Variants in AGBL4 observed in about 807,000 individuals in gnomAD.
The protein encoded by AGBL4 is cytosolic carboxypeptidase 6.
A neutral mutation model predicts 66.4 loss-of-function variants in AGBL4; 58 were observed. The ratio of observed to expected loss-of-function variants is 0.87; its 90% CI spans 0.71 to 1.09. AGBL4 has a LOEUF of 1.09. Among genes scored for constraint, AGBL4 ranks in the 50% least tolerant of loss-of-function variants. AGBL4 has a pLI of 0.00. For synonymous variants in AGBL4, 234 were observed against 222.9 expected (o/e 1.05, Z -0.44); for missense variants, 579 against 631.0 (o/e 0.92, Z 0.88).
At chr1:49,709,129 G>C (rs1647434004) in intron 2 of AGBL4, among the ~76,000 whole-genome samples, 1 of 152,206 alleles carries the variant, frequency 6.6e-6, no homozygotes, top group South Asian at 2.1e-4. Flanking sequence ...CAGGCAGGAA[G>C]GTTTATATCT....
intron 1 of AGBL4, among the ~76,000 whole-genome samples, chr1:49,859,446 T>C (rs2148079405): frequency 6.6e-6 from 1 of 152,284 alleles, no homozygotes; most frequent in South Asian, 2.1e-4. Context: ...TCAATTAATG[T>C]AATTCACCAT....
chr1:49,308,377 T>A (rs1382353582), intron 3 of AGBL4, among the ~76,000 whole-genome samples: 1 of 152,144 alleles, frequency 6.6e-6, no homozygotes, highest in Non-Finnish European at 1.5e-5. Context: ...TAGTCTTTAA[T>A]GTCTATGTAA....
chr1:48,778,412 T>A (rs1293282089), intron 6 of AGBL4, among the ~76,000 whole-genome samples: 1 of 152,156 alleles, frequency 6.6e-6, no homozygotes, highest in African/African-American at 2.4e-5. Context: ...CCTCACAACC[T>A]TTACAATCTA....
intron 3 of AGBL4, among the ~76,000 whole-genome samples, chr1:49,546,380 A>T (rs190416009): frequency 4.4e-3 from 663 of 151,570 alleles, no homozygotes; most frequent in Middle Eastern, 7.0e-3. Flanking sequence ...ATATATATAC[A>T]TATATACCAC....
chr1:48,865,202 G>A (rs542194083), intron 6 of AGBL4, among the ~76,000 whole-genome samples: 12 of 152,228 alleles, frequency 7.9e-5, no homozygotes, highest in Non-Finnish European at 1.3e-4. Flanking sequence ...GGGTGAATTT[G>A]ATAGCACAAG....
At chr1:49,824,235 G>GT (rs1294860693) in intron 2 of AGBL4, among the ~76,000 whole-genome samples, 1 of 151,918 alleles carries the variant, frequency 6.6e-6, no homozygotes, top group Non-Finnish European at 1.5e-5. Context: ...AGAAAAACAG[G>GT]TAAGATGCAT....
chr1:49,426,910 A>G (rs1040380707), intron 3 of AGBL4, among the ~76,000 whole-genome samples: 6 of 152,162 alleles, frequency 3.9e-5, no homozygotes, highest in African/African-American at 1.4e-4. Context: ...AATGGCCCTA[A>G]GTTTTCTCTG....
chr1:48,691,677 G>T (rs1000120036), intron 6 of AGBL4, among the ~76,000 whole-genome samples: 1 of 152,090 alleles, frequency 6.6e-6, no homozygotes, highest in African/African-American at 2.4e-5. Context: ...GGGGTAAAAA[G>T]CACCCTTACA....
chr1:48,670,147 CT>C (rs1052465012), intron 6 of AGBL4, among the ~76,000 whole-genome samples: 6 of 152,186 alleles, frequency 3.9e-5, no homozygotes, highest in African/African-American at 1.4e-4. Context: ...GTGTACCTCC[CT>C]ATCTTCACAA....
chr1:50,003,784 A>G (rs1472154909), intron 1 of AGBL4, among the ~76,000 whole-genome samples: 3 of 152,202 alleles, frequency 2.0e-5, no homozygotes, highest in Non-Finnish European at 2.9e-5. Context: ...AGCTCATAGC[A>G]GAAAAATTCA....
At chr1:49,558,154 G>A (rs904668223) in intron 3 of AGBL4, among the ~76,000 whole-genome samples, 9 of 152,098 alleles carry the variant, frequency 5.9e-5, no homozygotes, top group East Asian at 2.0e-4. Flanking sequence ...AGGGCTGTGC[G>A]TGAGCCTTAG....
At chr1:49,980,741 T>A (rs1658993146) in intron 1 of AGBL4, among the ~76,000 whole-genome samples, 1 of 152,204 alleles carries the variant, frequency 6.6e-6, no homozygotes, top group Non-Finnish European at 1.5e-5. Context: ...AGTGTGCAAA[T>A]ATCTCTTCAA....
chr1:49,802,937 T>C (rs1458161363), intron 2 of AGBL4, among the ~76,000 whole-genome samples: 4 of 152,190 alleles, frequency 2.6e-5, no homozygotes, highest in South Asian at 2.1e-4. Flanking sequence ...AATAAACTTT[T>C]CATTTGTAAC....
chr1:48,951,007 A>G (rs1045846228), intron 5 of AGBL4, among the ~76,000 whole-genome samples: 1 of 152,214 alleles, frequency 6.6e-6, no homozygotes, highest in African/African-American at 2.4e-5. Flanking sequence ...GTAAACTAAT[A>G]TCATATAAGA....
At chr1:48,626,143 T>G (rs779737330) in intron 9 of AGBL4, among the ~76,000 whole-genome samples, 1 of 152,200 alleles carries the variant, frequency 6.6e-6, no homozygotes, top group African/African-American at 2.4e-5. Flanking sequence ...GAAAACTGTT[T>G]GAGCAGACCT....
intron 4 of AGBL4, among the ~76,000 whole-genome samples, chr1:49,220,393 A>G (rs1649405883): frequency 6.6e-6 from 1 of 151,984 alleles, no homozygotes; most frequent in Non-Finnish European, 1.5e-5. Flanking sequence ...TACCAACTAC[A>G]TTGCTTTGGG....
intron 3 of AGBL4, among the ~76,000 whole-genome samples, chr1:49,478,749 G>C (rs1227169470): frequency 6.6e-6 from 1 of 151,946 alleles, no homozygotes; most frequent in African/African-American, 2.4e-5. Flanking sequence ...AAAGACTAGA[G>C]TATGAACCAA....
At chr1:49,870,681 A>C (rs949214490) in intron 1 of AGBL4, among the ~76,000 whole-genome samples, 9 of 152,112 alleles carry the variant, frequency 5.9e-5, no homozygotes, top group African/African-American at 2.2e-4. Context: ...AAAAGATTTG[A>C]ATAAGTGTTT....
rs1005174150 is a variant in AGBL4 at position 49,810,065 on chromosome 1, G to C, written c.157+41331C>G. On this transcript the variant is annotated intron_variant, in intron 2 of 13. Coordinates refer to ENST00000371839, the MANE Select transcript of AGBL4 (RefSeq NM_032785.4). ...TTCAATATAAACCTATTTTGTTCCA[G>C]ATGCTTTACATATCATACAAAATTG... Among the ~76,000 whole-genome samples, 26 of 152,134 alleles carry C rather than the reference G, an allele frequency of 1.7e-4. 1 individual carries two copies. The highest frequency in any genetic ancestry group is 5.8e-4 in the African/African-American group (24 of 41,502).
Sources: gnomAD v4.1 joint callset for allele counts (sites outside exome capture counted in the v4.1 genomes callset) on GRCh38, gnomAD v4.1.1 for gene constraint, MANE v1.5 for transcripts, NCBI Gene and HGNC (gene_info 2026-07-23, HGNC 2026-07-21) for gene names.